Variants in RGS6 observed in about 807,000 individuals in gnomAD.
The protein encoded by RGS6 is regulator of G protein signaling 6, also known as regulator of G-protein signaling 6.
Under a neutral mutation model 78.5 loss-of-function variants are expected in RGS6, and 30 were observed. The ratio of observed to expected loss-of-function variants is 0.38; its 90% CI spans 0.29 to 0.52. The LOEUF (loss-of-function observed/expected upper bound fraction) is 0.52, where lower values mean the gene tolerates loss of function less well. RGS6 is among the 20% of genes least tolerant of loss of function. The pLI is 0.85. For synonymous variants in RGS6, 206 were observed against 206.0 expected, an observed-to-expected ratio of 1.00 and a Z score of 0.00; for missense variants, 495 against 609.7, an observed-to-expected ratio of 0.81 and a Z score of 1.98.
At chr14:72,396,155 T>A (rs1011679936) in intron 3 of RGS6, among the ~76,000 whole-genome samples, 5 of 152,224 alleles carry the variant, frequency 3.3e-5, no homozygotes, top group African/African-American at 1.2e-4. Context: ...ACCAACAGTG[T>A]AAAAGCATTC....
At chr14:72,234,931 G>A (rs955743717) in intron 2 of RGS6, among the ~76,000 whole-genome samples, 1 of 152,104 alleles carries the variant, frequency 6.6e-6, no homozygotes, top group South Asian at 2.1e-4. Flanking sequence ...GAAGAAAAGA[G>A]GAGAGGCACC....
chr14:72,123,210 A>G (rs924075111), intron 2 of RGS6, among the ~76,000 whole-genome samples: 3 of 152,158 alleles, frequency 2.0e-5, no homozygotes, highest in African/African-American at 7.2e-5. Context: ...ATCACCTCCC[A>G]AAGTGCTGGG....
intron 2 of RGS6, among the ~76,000 whole-genome samples, chr14:72,285,954 T>C (rs1486068399): frequency 1.3e-5 from 2 of 152,222 alleles, no homozygotes; most frequent in Admixed American, 6.5e-5. Context: ...TTTATCCCAT[T>C]TCATAGGCTG....
intron 2 of RGS6, among the ~76,000 whole-genome samples, chr14:72,099,841 A>C (rs192393537): frequency 9.2e-5 from 14 of 152,328 alleles, no homozygotes; most frequent in Non-Finnish European, 1.9e-4. Flanking sequence ...GAGCACTTAC[A>C]GTGCCAAATG....
chr14:72,420,529 G>T (rs1002988252), intron 3 of RGS6, among the ~76,000 whole-genome samples: 1 of 151,980 alleles, frequency 6.6e-6, no homozygotes, highest in African/African-American at 2.4e-5. Context: ...AGCTAACCCT[G>T]CCCCCACCCC....
chr14:72,495,229 G>T lies in RGS6; in HGVS notation c.932G>T (p.Ser311Ile). The T allele has an allele frequency of 6.2e-7, 1 of 1,613,426 alleles. No homozygotes were observed. The highest frequency in any genetic ancestry group is 8.5e-7 in the Non-Finnish European group (1 of 1,179,372). ...GCTGAGCCATCCAACCCTTGGATCA[G>T]CGATGACGTTGCTTTGTGGGACATA... is the stretch of plus-strand genomic sequence containing the variant. ...TPAEPSNPWI[S>I]DDVALWDIEM... Residue 311 changes from serine to isoleucine, a missense_variant, in exon 13 of 18, where the codon AGC (serine) becomes ATC (isoleucine). Transcript: ENST00000553525.
chr14:72,587,688 C>G, the RGS6 span, among the ~76,000 whole-genome samples: 1 of 152,114 alleles, frequency 6.6e-6, no homozygotes, highest in Non-Finnish European at 1.5e-5. Flanking sequence ...CAGAAAAATT[C>G]TGCCCCTCAG....
At chr14:71,949,780 A>AAT (rs35571635) in intron 1 of RGS6, among the ~76,000 whole-genome samples, 3 of 128,900 alleles carry the variant, frequency 2.3e-5, no homozygotes, top group African/African-American at 5.7e-5. Flanking sequence ...TAGAAGCTCT[A>AAT]TTTTTTTTTT....
At chr14:72,389,277 A>G (rs1251786293) in intron 3 of RGS6, among the ~76,000 whole-genome samples, 2 of 151,774 alleles carry the variant, frequency 1.3e-5, no homozygotes, top group African/African-American at 4.8e-5. Context: ...TGTCTGCCCA[A>G]CCCCCACCCC....
At chr14:72,144,746 ATTT>A (rs534273802) in intron 2 of RGS6, among the ~76,000 whole-genome samples, 1 of 138,814 alleles carries the variant, frequency 7.2e-6, no homozygotes. Context: ...TTCATGATTC[ATTT>A]TTTTTTTTTT....
chr14:72,628,305 T>G, the RGS6 span, among the ~76,000 whole-genome samples: 1 of 152,236 alleles, frequency 6.6e-6, no homozygotes, highest in Admixed American at 6.5e-5. Context: ...CTATTTTTAA[T>G]GTTTTTATCA....
At chr14:72,491,020 C>A (rs2096570972) in intron 12 of RGS6, among the ~76,000 whole-genome samples, 1 of 152,188 alleles carries the variant, frequency 6.6e-6, no homozygotes, top group Admixed American at 6.5e-5. Context: ...GTTTATGGAT[C>A]ACACTTCCAG....
the RGS6 span, among the ~76,000 whole-genome samples, chr14:71,923,430 A>C: frequency 6.6e-6 from 1 of 152,194 alleles, no homozygotes; most frequent in South Asian, 2.1e-4. Flanking sequence ...GATTAAAAAA[A>C]TTGTGATAGA....
At chr14:72,539,290 C>G (rs534964534) in intron 16 of RGS6, among the ~76,000 whole-genome samples, 1 of 152,276 alleles carries the variant, frequency 6.6e-6, no homozygotes, top group East Asian at 1.9e-4. Context: ...TCTAGCCTGT[C>G]GTACGTACAT....
intron 2 of RGS6, among the ~76,000 whole-genome samples, chr14:72,135,871 GGAAGAGGAGGA>G (rs1179995461): frequency 1.3e-5 from 2 of 152,116 alleles, no homozygotes; most frequent in East Asian, 3.9e-4. Context: ...AAAAAGAGGA[GGAAGAGGAGGA>G]GGAGAGGAGG....
chr14:72,315,247 C>A (rs1394313947), intron 2 of RGS6, among the ~76,000 whole-genome samples: 1 of 152,190 alleles, frequency 6.6e-6, no homozygotes, highest in Non-Finnish European at 1.5e-5. Flanking sequence ...CGGGATAATT[C>A]AGTCCAAGGT....
intron 2 of RGS6, among the ~76,000 whole-genome samples, chr14:72,324,724 A>G (rs1224066795): frequency 4.0e-5 from 6 of 151,832 alleles, no homozygotes; most frequent in African/African-American, 1.5e-4. Context: ...CATGGTGTAT[A>G]TGTGCCACAT....
intron 2 of RGS6, among the ~76,000 whole-genome samples, chr14:72,046,482 A>G (rs1245095139): frequency 6.6e-6 from 1 of 152,072 alleles, no homozygotes; most frequent in Admixed American, 6.5e-5. Context: ...TTTTAAGAGT[A>G]AGTAACTTAT....
intron 2 of RGS6, among the ~76,000 whole-genome samples, chr14:72,139,387 A>T (rs1436735272): frequency 6.6e-6 from 1 of 152,212 alleles, no homozygotes; most frequent in Non-Finnish European, 1.5e-5. Flanking sequence ...TGTCTAATTC[A>T]GTCACTTAAT....
Sources: gnomAD v4.1 joint callset for allele counts (sites outside exome capture counted in the v4.1 genomes callset) on GRCh38, gnomAD v4.1.1 for gene constraint, MANE v1.5 for transcripts, NCBI Gene and HGNC (gene_info 2026-07-23, HGNC 2026-07-21) for gene names.